MYT1L: variants seen among roughly 807,000 people sequenced by gnomAD.
The protein encoded by MYT1L is myelin transcription factor 1-like protein.
MYT1L carries 12 observed loss-of-function variants against 126.7 expected under a neutral mutation model. The observed-to-expected ratio is 0.09, with a 90% confidence interval of 0.06 to 0.15. The LOEUF is 0.15. Among genes scored for constraint, MYT1L ranks in the 10% least tolerant of loss-of-function variants. The pLI is 1.00. For missense variants in MYT1L, 979 were observed against 1,585.2 expected (o/e 0.62, Z 6.49); for synonymous variants, 541 against 604.2 (o/e 0.90, Z 1.53).
intron 18 of MYT1L, among the ~76,000 whole-genome samples, chr2:1,882,063 T>C (rs1414460907): frequency 6.6e-6 from 1 of 152,150 alleles, no homozygotes; most frequent in Non-Finnish European, 1.5e-5. Flanking sequence ...ATCCGTAAAA[T>C]GGGTCTAAGC....
intron 2 of MYT1L, among the ~76,000 whole-genome samples, chr2:2,257,226 G>A (rs1049800356): frequency 1.3e-5 from 2 of 152,156 alleles, no homozygotes; most frequent in Non-Finnish European, 1.5e-5. Flanking sequence ...GATACCTCCT[G>A]TGGAGTGAAA....
Position 1,892,098 on chromosome 2 carries a change from G to A in MYT1L, c.2222C>T (p.Thr741Met). 1 of 1,544,958 alleles carries A rather than the reference G, an allele frequency of 6.5e-7. No homozygotes were observed. Residue 741 changes from threonine to methionine, a missense_variant, in exon 15 of 25, where the codon ACG becomes ATG. Around this residue, in one of 12 missense-constraint regions of MYT1L, gnomAD observed 28 missense variants for 66.6 expected, o/e 0.42. Coordinates refer to ENST00000647738, the MANE Select transcript of MYT1L (RefSeq NM_001303052.2). ...GTTCTGCGGCATCTCGCGGCAGCGCGTGGACAGGTTGAGGATGGCGGTGGC... is the reference window on the plus strand; with the variant it reads ...GTTCTGCGGCATCTCGCGGCAGCGCATGGACAGGTTGAGGATGGCGGTGGC... The part of the protein sequence containing the change: ...MAATAILNLS[T>M]RCREMPQNLS...
intron 2 of MYT1L, among the ~76,000 whole-genome samples, chr2:2,214,310 A>C (rs2093618243): frequency 6.7e-6 from 1 of 148,686 alleles, no homozygotes; most frequent in Non-Finnish European, 1.5e-5. Context: ...TCTATGTTTG[A>C]AGTTGCTGGC....
At position 1,889,252 on chromosome 2, in the gene MYT1L, T is replaced by C. The variant is rs1444762570; in HGVS notation, c.2509A>G (p.Lys837Glu). ...TGAAAAGGACATACAGTAATGTCTT[T>C]GGACTCGTCCTCGTCTATCCTCCGG... ...KPRRIDEDES[K>E]DITPEDLDPF... is the part of the protein sequence containing the mutation. The change falls in exon 16 of 25, where the codon AAA (lysine) becomes GAA (glutamate). Residue 837 changes from lysine to glutamate, a missense_variant. Transcript: ENST00000647738. This position sits in a 1 kb window ranked among gnomAD's most constrained non-coding sequence, Gnocchi z 4.1. 6.2e-7 allele frequency: 1 copy of C among 1,613,914 alleles called. No homozygotes were observed. Among genetic ancestry groups the C allele is most frequent in the Non-Finnish European group, 8.5e-7 (1 of 1,179,820 alleles).
intron 21 of MYT1L, among the ~76,000 whole-genome samples, chr2:1,822,907 G>A (rs1558658418): frequency 6.6e-6 from 1 of 152,136 alleles, no homozygotes; most frequent in Non-Finnish European, 1.5e-5. Context: ...CTAGCAGAAG[G>A]GAAATGTTTA....
intron 4 of MYT1L, among the ~76,000 whole-genome samples, chr2:2,018,287 T>C (rs2064647821): frequency 6.6e-6 from 1 of 152,170 alleles, no homozygotes; most frequent in South Asian, 2.1e-4. Flanking sequence ...ACTCAGGTCA[T>C]AGCAGAAGAT....
chr2:1,868,051 C>A (rs2045824930), intron 18 of MYT1L, among the ~76,000 whole-genome samples: 1 of 152,072 alleles, frequency 6.6e-6, no homozygotes, highest in Non-Finnish European at 1.5e-5. Context: ...ACTGCTACCT[C>A]CGCCTCCTGG....
intron 18 of MYT1L, among the ~76,000 whole-genome samples, chr2:1,861,897 A>AGATCTGCCTG (rs2044697129): frequency 9.2e-4 from 4 of 4,366 alleles, no homozygotes; most frequent in South Asian, 4.6e-3. Context: ...GGATCCTCCT[A>AGATCTGCCTG]CAGCCTGTGT....
In MYT1L at chr2:1,891,965, G is replaced by C. The variant is rs1413768278; in HGVS notation, c.2283+72C>G. ...TACAGCTGCCCCGAAAGCGCCGCGT[G>C]TCTCGGTGGCTGGGTCCGCGGCCCG... On this transcript the variant is annotated intron_variant, in intron 15 of 24. Transcript: ENST00000647738. The C allele has an allele frequency of 6.2e-6, 9 of 1,443,496 alleles. No homozygotes were observed. In the East Asian group the frequency reaches 2.0e-4, roughly 32 times the overall value. The allele number at this position is 1,443,496 out of a possible 1,614,324, so 89.4% of individuals were successfully genotyped here. A position where few individuals can be genotyped will look rare whatever the true frequency, so the allele number is the denominator to read the frequency against.
chr2:2,109,003 T>C lies in MYT1L; in HGVS notation c.-303-54880A>G, dbSNP rs532072199. On this transcript the variant is annotated intron_variant, in intron 3 of 24. Coordinates refer to ENST00000647738, the MANE Select transcript of MYT1L (RefSeq NM_001303052.2). ...CAGCAGCCTGGCCACTCCCTGTCTA[T>C]ACCCCAGCCTGATCCCAACAAGGCC... is the stretch of plus-strand genomic sequence containing the variant. 3.7e-4 allele frequency among the ~76,000 whole-genome samples: 57 copies of C among 152,310 alleles called. No homozygotes were observed. The South Asian group carries it at 0.011, about 29-fold the overall frequency.
At chr2:1,902,953 G>A (rs1375959936) in intron 14 of MYT1L, 127 bp downstream of exon 14, 1 of 849,972 alleles carries the variant, frequency 1.2e-6, no homozygotes, top group Non-Finnish European at 1.9e-6. Flanking sequence ...TGCTATGAAA[G>A]TCCTGTTCTT....
intron 9 of MYT1L, among the ~76,000 whole-genome samples, chr2:1,937,503 A>G (rs1191739804): frequency 6.6e-6 from 1 of 152,038 alleles, no homozygotes; most frequent in Non-Finnish European, 1.5e-5. Context: ...GTCCGCGGCC[A>G]TCAGATTGCA....
At chr2:2,210,834 CA>C (rs1199851320) in intron 2 of MYT1L, among the ~76,000 whole-genome samples, 1 of 152,138 alleles carries the variant, frequency 6.6e-6, no homozygotes, top group Admixed American at 6.6e-5. Context: ...GACGTTTTAA[CA>C]ATATTGATTC....
At chr2:2,288,735 A>T (rs143755667) in intron 1 of MYT1L, among the ~76,000 whole-genome samples, 13 of 152,284 alleles carry the variant, frequency 8.5e-5, no homozygotes, top group Admixed American at 2.0e-4. Flanking sequence ...GACAGTGCTG[A>T]TCTAGAGTAT....
At chr2:1,952,782 T>C (rs1320464209) in intron 8 of MYT1L, among the ~76,000 whole-genome samples, 28 of 1,588 alleles carry the variant, frequency 0.018, no homozygotes, top group South Asian at 0.029. Context: ...TTCCCTCCTT[T>C]CCTCCCTTCC....
At chr2:1,976,922 G>C (rs960365175) in intron 8 of MYT1L, among the ~76,000 whole-genome samples, 1 of 152,154 alleles carries the variant, frequency 6.6e-6, no homozygotes, top group Non-Finnish European at 1.5e-5. Flanking sequence ...AGAGGAAACT[G>C]AAGGCTGTAG....
intron 14 of MYT1L, 42 bp from the exon 15 acceptor site, chr2:1,892,329 G>GGGCACACGGCAGAC: frequency 6.5e-7 from 1 of 1,535,516 alleles, no homozygotes; most frequent in South Asian, 1.2e-5. Context: ...CCCGGCCGCA[G>GGGCACACGGCAGAC]GGCACACGGC....
chr2:2,263,989 T>C (rs1281772875), intron 2 of MYT1L, among the ~76,000 whole-genome samples: 4 of 152,184 alleles, frequency 2.6e-5, no homozygotes, highest in Non-Finnish European at 5.9e-5. Context: ...GGACCGCTAA[T>C]ACTTAAGTGA....
In MYT1L at chr2:2,134,533, G is replaced by C. The variant is rs183017473; in HGVS notation, c.-304+38339C>G. On this transcript the variant is annotated intron_variant, in intron 3 of 24. Coordinates refer to ENST00000647738, the MANE Select transcript of MYT1L (RefSeq NM_001303052.2). The stretch of plus-strand genomic sequence containing the variant: ...CAGTGTGATGGCTCTTGGAGGAGAG[G>C]CATTGGATGATGAGGTCATGAAGAT... 4.2e-3 allele frequency among the ~76,000 whole-genome samples: 640 copies of C among 152,256 alleles called. 5 individuals carry two copies. The highest frequency in any genetic ancestry group is 0.015 in the African/African-American group (615 of 41,562).
Sources: gnomAD v4.1 joint callset for allele counts (sites outside exome capture counted in the v4.1 genomes callset) on GRCh38, gnomAD v4.1.1 for gene constraint, gnomAD v4.1.1 regional missense constraint, Gnocchi (gnomAD v3.1) non-coding constraint, MANE v1.5 for transcripts, NCBI Gene and HGNC (gene_info 2026-07-23, HGNC 2026-07-21) for gene names.